CHST8: variants seen among roughly 807,000 people sequenced by gnomAD.
CHST8 encodes the protein GALNAC-4-ST1.
Under a neutral mutation model 15.0 loss-of-function variants are expected in CHST8, and 10 were observed. The observed-to-expected ratio is 0.67, with a 90% CI of 0.41 to 1.13. CHST8 has a LOEUF of 1.13. Ranked by LOEUF, CHST8 falls within the 50% of genes most tolerant of loss-of-function variation. The pLI is 0.00. For missense variants in CHST8, 634 were observed against 608.2 expected (o/e 1.04, Z -0.45); for synonymous variants, 259 against 256.6 (o/e 1.01, Z -0.09).
chr19:33,673,777 A>G (rs1458974632), intron 2 of CHST8, among the ~76,000 whole-genome samples: 1 of 151,506 alleles, frequency 6.6e-6, no homozygotes, highest in Non-Finnish European at 1.5e-5. Flanking sequence ...TTATTTTGAG[A>G]CAGTCTCCCT....
At chr19:33,687,732 C>T (rs896052461) in intron 2 of CHST8, among the ~76,000 whole-genome samples, 2 of 152,186 alleles carry the variant, frequency 1.3e-5, no homozygotes, top group Non-Finnish European at 1.5e-5. Context: ...ACCATCTGGT[C>T]GTGGGGAGTC....
intron 2 of CHST8, among the ~76,000 whole-genome samples, chr19:33,671,275 C>G (rs1396750148): frequency 3.3e-5 from 5 of 152,138 alleles, no homozygotes; most frequent in African/African-American, 9.7e-5. Flanking sequence ...CCAAATAAAG[C>G]CTTCTTTGAA....
At chr19:33,630,360 T>G (rs1303469076) in intron 1 of CHST8, among the ~76,000 whole-genome samples, 1 of 152,250 alleles carries the variant, frequency 6.6e-6, no homozygotes, top group Non-Finnish European at 1.5e-5. Flanking sequence ...TGCATTAAAC[T>G]GTGCAGTCTG....
intron 3 of CHST8, among the ~76,000 whole-genome samples, chr19:33,715,660 G>A (rs932102788): frequency 6.6e-6 from 1 of 152,190 alleles, no homozygotes; most frequent in Non-Finnish European, 1.5e-5. Flanking sequence ...AGCTCAGGCT[G>A]ACCTTCACCT....
Position 33,622,167 on chromosome 19 carries a change from CG to C in CHST8, c.-291del, listed in dbSNP as rs1198444647. On this transcript the variant is annotated 5_prime_UTR_variant, in exon 1 of 5. Transcript: ENST00000650847. ...CGCACTGGGTTCCGCTTGGAGCGGGCGGAGGCACCGGGCCCGAGCTGGGTCG... is the reference window on the plus strand; with the variant it reads ...CGCACTGGGTTCCGCTTGGAGCGGGCGAGGCACCGGGCCCGAGCTGGGTCG... The C allele has an allele frequency of 6.6e-6, 1 of 152,142 alleles. No homozygotes were observed. The highest frequency in any genetic ancestry group is 1.5e-5 in the Non-Finnish European group (1 of 68,028). 9.4% of individuals were successfully genotyped at this position (152,142 alleles called of 1,614,324 possible). A position where few individuals can be genotyped will look rare whatever the true frequency, so the allele number is the denominator to read the frequency against.
chr19:33,650,020 A>T (rs1028683614), intron 1 of CHST8, among the ~76,000 whole-genome samples: 2 of 152,178 alleles, frequency 1.3e-5, no homozygotes, highest in Admixed American at 1.3e-4. Context: ...CTTGCCTGGC[A>T]TGGCCTTAGG....
At chr19:33,668,009 A>G (rs1445298710) in intron 2 of CHST8, among the ~76,000 whole-genome samples, 166 bp downstream of exon 2, 1 of 152,168 alleles carries the variant, frequency 6.6e-6, no homozygotes, top group African/African-American at 2.4e-5. Flanking sequence ...TTTTAGAGTC[A>G]CTTCATATCC....
At chr19:33,718,221 T>TA (rs1973700968) in intron 3 of CHST8, among the ~76,000 whole-genome samples, 1 of 150,962 alleles carries the variant, frequency 6.6e-6, no homozygotes, top group Non-Finnish European at 1.5e-5. Context: ...TTTTTTTCTT[T>TA]CTTTTTTTTT....
intron 3 of CHST8, among the ~76,000 whole-genome samples, chr19:33,769,596 G>A (rs915676492): frequency 6.6e-6 from 1 of 152,138 alleles, no homozygotes; most frequent in Non-Finnish European, 1.5e-5. Flanking sequence ...TGATGGGATG[G>A]GGAAGAGGAG....
intron 2 of CHST8, among the ~76,000 whole-genome samples, chr19:33,682,578 G>A (rs1972909301): frequency 6.6e-6 from 1 of 152,144 alleles, no homozygotes; most frequent in Non-Finnish European, 1.5e-5. Context: ...TCCAGTCCCT[G>A]GTAACCTGCA....
chr19:33,672,534 C>T (rs1254538669), intron 2 of CHST8, among the ~76,000 whole-genome samples: 3 of 152,116 alleles, frequency 2.0e-5, no homozygotes. Flanking sequence ...TGTGTACCAT[C>T]TCATGTCAGC....
chr19:33,706,881 A>G (rs1374330719), intron 3 of CHST8, among the ~76,000 whole-genome samples: 2 of 152,212 alleles, frequency 1.3e-5, no homozygotes, highest in Non-Finnish European at 2.9e-5. Flanking sequence ...TGAAAAGGAC[A>G]GGCCATGATT....
intron 3 of CHST8, among the ~76,000 whole-genome samples, chr19:33,752,100 G>A (rs1227521518): frequency 6.6e-6 from 1 of 152,216 alleles, no homozygotes; most frequent in East Asian, 1.9e-4. Flanking sequence ...CTGAGCCCCA[G>A]GACGAAGGGG....
At chr19:33,718,227 T>C (rs1040018192) in intron 3 of CHST8, among the ~76,000 whole-genome samples, 8 of 151,978 alleles carry the variant, frequency 5.3e-5, no homozygotes, top group African/African-American at 1.4e-4. Context: ...TCTTTCTTTT[T>C]TTTTTTTTTT....
chr19:33,677,565 C>G (rs981650955), intron 2 of CHST8, among the ~76,000 whole-genome samples: 1 of 152,218 alleles, frequency 6.6e-6, no homozygotes, highest in South Asian at 2.1e-4. Flanking sequence ...GCCTGTTCCT[C>G]CACCCCAGGG....
At chr19:33,685,403 T>A (rs12460026) in intron 2 of CHST8, among the ~76,000 whole-genome samples, 23,367 of 150,840 alleles carry the variant, frequency 0.15, 2,163 homozygotes, top group Admixed American at 0.24. Flanking sequence ...CATTCAGGCC[T>A]GGGGGAGAAA....
chr19:33,630,561 G>A (rs1273279144), intron 1 of CHST8, among the ~76,000 whole-genome samples: 2 of 151,950 alleles, frequency 1.3e-5, no homozygotes, highest in South Asian at 2.1e-4. Flanking sequence ...GGGGAAGGCA[G>A]TCTGTCTACA....
intron 3 of CHST8, among the ~76,000 whole-genome samples, chr19:33,760,944 T>C (rs997142100): frequency 1.3e-5 from 2 of 152,216 alleles, no homozygotes; most frequent in African/African-American, 4.8e-5. Flanking sequence ...CATCAGTACC[T>C]AAGATGCTAC....
intron 1 of CHST8, among the ~76,000 whole-genome samples, chr19:33,652,087 T>C (rs1600238125): frequency 6.6e-6 from 1 of 152,182 alleles, no homozygotes; most frequent in South Asian, 2.1e-4. Context: ...AAAGCAATGT[T>C]ATTAGGTGCA....
Sources: allele counts gnomAD v4.1 joint callset (sites outside exome capture counted in the v4.1 genomes callset), GRCh38; gene constraint gnomAD v4.1.1; transcripts MANE v1.5; gene names NCBI Gene and HGNC (gene_info 2026-07-23, HGNC 2026-07-21).